The following RUFY1 variants were observed in gnomAD, a reference collection of about 807,000 sequenced individuals.
RUFY1 encodes the protein RUN and FYVE domain-containing protein 1.
Under a neutral mutation model 94.6 loss-of-function variants are expected in RUFY1, and 54 were observed. The observed-to-expected ratio is 0.57, with a 90% CI of 0.46 to 0.72. RUFY1 has a LOEUF of 0.72. Ranked by LOEUF, RUFY1 falls within the 30% of genes least tolerant of loss-of-function variation. The probability of loss-of-function intolerance (pLI) is 0.00; values close to 1 mark genes in which losing one functional copy is unlikely to be tolerated. For synonymous variants in RUFY1, 396 were observed against 347.3 expected, an observed-to-expected ratio of 1.14 and a Z score of -1.56; for missense variants, 883 against 883.9, an observed-to-expected ratio of 1.00 and a Z score of 0.01.
chr5:179,598,247 C>G lies in RUFY1; in HGVS notation c.1632-445C>G, dbSNP rs556972762. The G allele has an allele frequency of 1.7e-4, 28 of 165,446 alleles. No homozygotes were observed. The South Asian group carries it at 3.7e-3, about 22-fold the overall frequency. 10.2% of individuals were successfully genotyped at this position (165,446 alleles called of 1,614,324 possible). ...GTGAGGTGGCTCATGCCTGTAATCT[C>G]TGCACCTTGGGAAGCTGTGGCGGGA... On this transcript the variant is annotated intron_variant, in intron 13 of 17. Coordinates refer to ENST00000319449, the MANE Select transcript of RUFY1 (RefSeq NM_025158.5).
intron 5 of RUFY1, among the ~76,000 whole-genome samples, chr5:179,573,895 C>T (rs1763416241): frequency 6.6e-6 from 1 of 152,082 alleles, no homozygotes; most frequent in South Asian, 2.1e-4. Flanking sequence ...ACATGTCAAC[C>T]TGCTTTTAAC....
intron 7 of RUFY1, among the ~76,000 whole-genome samples, chr5:179,584,812 T>C (rs1255862901): frequency 6.6e-6 from 1 of 152,070 alleles, no homozygotes; most frequent in Non-Finnish European, 1.5e-5. Flanking sequence ...AATAATATTT[T>C]TTAAATGGGG....
rs112105028 is a variant in RUFY1, at chr5:179,596,782, G to C, written c.1631+101G>C. 4.6e-5 allele frequency: 21 copies of C among 455,368 alleles called. 7 individuals are homozygous for C. Among genetic ancestry groups the C allele is most frequent in the South Asian group, 3.7e-4 (17 of 45,436 alleles). The allele number at this position is 455,368 out of a possible 1,614,324, so 28.2% of individuals were successfully genotyped here. ...CTGCTTCAGCACGAACGGGAGGAGG[G>C]GGGGCGGGGGGGCAGGTGGTATCCT... On this transcript the variant is annotated intron_variant, in intron 13 of 17. Coordinates refer to ENST00000319449, the MANE Select transcript of RUFY1 (RefSeq NM_025158.5).
At chr5:179,551,021 C>T (rs1309988362) in intron 1 of RUFY1, 142 bp downstream of exon 1, 5 of 723,424 alleles carry the variant, frequency 6.9e-6, no homozygotes, top group African/African-American at 1.9e-5. Flanking sequence ...CGGCGCCTGG[C>T]TGCGCCTGGG....
intron 10 of RUFY1, 45 bp downstream of exon 10, chr5:179,591,786 G>A: frequency 9.0e-7 from 1 of 1,107,700 alleles, no homozygotes; most frequent in Non-Finnish European, 1.3e-6. Flanking sequence ...TTTCCCCGTA[G>A]TGTTAATTCT....
intron 8 of RUFY1, chr5:179,586,464 G>A (rs1426610312): frequency 2.2e-6 from 1 of 456,392 alleles, no homozygotes; most frequent in Non-Finnish European, 4.4e-6. Context: ...GCCCTTCTGA[G>A]GCTTTCCACA....
chr5:179,608,384 T>TCCTGAG (rs1767334558), intron 17 of RUFY1: 1 of 985,394 alleles, frequency 1.0e-6, no homozygotes, highest in African/African-American at 1.7e-5. Context: ...AGAAACCACG[T>TCCTGAG]CCTGAGGCTG....
At chr5:179,570,067 A>G (rs984772222) in intron 5 of RUFY1, among the ~76,000 whole-genome samples, 7 of 138,890 alleles carry the variant, frequency 5.0e-5, no homozygotes, top group African/African-American at 1.9e-4. Context: ...TTTAGTAGAG[A>G]TGGTGTTTCA....
intron 6 of RUFY1, among the ~76,000 whole-genome samples, chr5:179,578,826 T>G (rs1581477425): frequency 1.3e-5 from 2 of 152,100 alleles, no homozygotes; most frequent in East Asian, 3.9e-4. Flanking sequence ...GTATTTTTAG[T>G]GGAGATGGAG....
rs375725465 is a variant in RUFY1, at chr5:179,569,831, G to A, written c.828+406G>A. ...GCGATCTCGGCTCCCTGCAACCTCCGCCTCCCGGGTTCACACCATTCTCCT... is the reference window on the plus strand; with the variant it reads ...GCGATCTCGGCTCCCTGCAACCTCCACCTCCCGGGTTCACACCATTCTCCT... On this transcript the variant is annotated intron_variant, in intron 5 of 17. Transcript: ENST00000319449. Among the ~76,000 whole-genome samples the A allele has an allele frequency of 1.8e-3, 268 of 152,162 alleles. 2 individuals are homozygous for A. Among genetic ancestry groups the A allele is most frequent in the African/African-American group, 6.2e-3 (256 of 41,530 alleles).
intron 1 of RUFY1, 173 bp from the exon 2 acceptor site, chr5:179,559,852 T>C (rs2127508759): frequency 1.4e-6 from 2 of 1,402,324 alleles, no homozygotes; most frequent in Non-Finnish European, 1.9e-6. Flanking sequence ...GGCTGTGGCC[T>C]CTAGGGATCA....
chr5:179,577,187 T>TTTTTTTTTTTC, intron 6 of RUFY1, 51 bp downstream of exon 6: 1 of 1,066,980 alleles, frequency 9.4e-7, no homozygotes, highest in Non-Finnish European at 1.3e-6. Flanking sequence ...TTTTTTTTTT[T>TTTTTTTTTTTC]TTGAGACAGA....
Position 179,580,979 on chromosome 5 carries a change from A to G in RUFY1, c.923A>G (p.Lys308Arg). ...AGAATTACTGATGTCCTTGATCAAA[A>G]AAATTATGTGGAAGAACTTAACCGG... ...HERITDVLDQKNYVEELNRHL... is the reference protein window; with the variant it reads ...HERITDVLDQRNYVEELNRHL... Residue 308 changes from lysine to arginine, a missense_variant, in exon 7 of 18, where the codon AAA (lysine) becomes AGA (arginine). Coordinates refer to ENST00000319449, the MANE Select transcript of RUFY1 (RefSeq NM_025158.5). The G allele has an allele frequency of 6.2e-7, 1 of 1,609,180 alleles. No homozygotes were observed. The highest frequency in any genetic ancestry group is 8.5e-7 in the Non-Finnish European group (1 of 1,177,626).
chr5:179,572,994 T>C (rs1763333867), intron 5 of RUFY1, among the ~76,000 whole-genome samples: 1 of 152,254 alleles, frequency 6.6e-6, no homozygotes, highest in African/African-American at 2.4e-5. Flanking sequence ...TAACCAGTTT[T>C]TGCAATATCA....
At chr5:179,580,244 TA>T (rs1241920102) in intron 6 of RUFY1, among the ~76,000 whole-genome samples, 28 of 96,446 alleles carry the variant, frequency 2.9e-4, no homozygotes, top group African/African-American at 5.3e-4. Context: ...TGTGTGTGTA[TA>T]TTTTTTTTTT....
intron 15 of RUFY1, among the ~76,000 whole-genome samples, chr5:179,604,542 AGCCACAGGGATTTTTCTAAAT>A (rs1482844303): frequency 1.3e-5 from 2 of 151,404 alleles, no homozygotes; most frequent in Non-Finnish European, 2.9e-5. Flanking sequence ...CTTTAGTAAA[AGCCACAGGGATTTTTCTAAAT>A]GCCCTGATGC....
At position 179,609,372 on chromosome 5, in the gene RUFY1, G is replaced by A; in HGVS notation, c.1984-4G>A. On this transcript the variant is annotated splice_region_variant and splice_polypyrimidine_tract_variant and intron_variant, in intron 17 of 17. Transcript: ENST00000319449. ...CCTGTGACCGCCTTCTTCCCGTCCT[G>A]TAGCACCACTGCCGGAACTGTGGCC... is the stretch of plus-strand genomic sequence containing the variant. 2 of 1,613,056 alleles carry A rather than the reference G, an allele frequency of 1.2e-6. No homozygotes were observed. Among genetic ancestry groups the A allele is most frequent in the South Asian group, 1.1e-5 (1 of 91,004 alleles).
intron 10 of RUFY1, 74 bp downstream of exon 10, chr5:179,591,815 C>A: frequency 1.1e-6 from 1 of 875,048 alleles, no homozygotes; most frequent in Admixed American, 2.6e-5. Flanking sequence ...TTTTCATAGA[C>A]ATGCTTCACC....
intron 1 of RUFY1, among the ~76,000 whole-genome samples, chr5:179,551,144 C>G (rs1302167526): frequency 6.6e-6 from 1 of 152,188 alleles, no homozygotes; most frequent in Non-Finnish European, 1.5e-5. Flanking sequence ...GACGTGTGCG[C>G]GTCCGGGCTT....
Sources: allele counts gnomAD v4.1 joint callset (sites outside exome capture counted in the v4.1 genomes callset), GRCh38; gene constraint gnomAD v4.1.1; transcripts MANE v1.5; gene names NCBI Gene and HGNC (gene_info 2026-07-23, HGNC 2026-07-21).